NBAS: variants seen among roughly 807,000 people sequenced by gnomAD.
The protein encoded by NBAS is NBAS subunit of NRZ tethering complex.
Under a neutral mutation model 302.5 loss-of-function variants are expected in NBAS, and 219 were observed. The ratio of observed to expected loss-of-function variants is 0.72; its 90% confidence interval spans 0.65 to 0.81. The LOEUF is 0.81. Ranked by LOEUF, NBAS falls within the 30% of genes least tolerant of loss-of-function variation. The probability of loss-of-function intolerance (pLI) is 0.00; values close to 1 mark genes in which losing one functional copy is unlikely to be tolerated. For synonymous variants in NBAS, 1,118 were observed against 1,021.6 expected (o/e 1.09, Z -1.80); for missense variants, 2,932 against 2,841.6 (o/e 1.03, Z -0.72).
At chr2:15,428,388 G>C (rs1213233874) in intron 21 of NBAS, among the ~76,000 whole-genome samples, 1 of 152,192 alleles carries the variant, frequency 6.6e-6, no homozygotes. Context: ...GATAGTAAGA[G>C]TAAAGGAATG....
At chr2:15,485,510 TG>T (rs1350889758) in intron 12 of NBAS, among the ~76,000 whole-genome samples, 1 of 152,246 alleles carries the variant, frequency 6.6e-6, no homozygotes, top group Non-Finnish European at 1.5e-5. Flanking sequence ...AAAGAACATA[TG>T]CATCAGTGTC....
the NBAS span, among the ~76,000 whole-genome samples, chr2:14,886,228 C>A: frequency 6.6e-6 from 1 of 152,262 alleles, no homozygotes; most frequent in East Asian, 1.9e-4. Context: ...TCTGTCCTTG[C>A]CATCCCCAAG....
intron 19 of NBAS, among the ~76,000 whole-genome samples, chr2:15,466,881 G>A (rs1396147158): frequency 6.6e-6 from 1 of 151,112 alleles, no homozygotes; most frequent in East Asian, 1.9e-4. Flanking sequence ...AGGTTGCAGT[G>A]AGCTGAGATC....
At chr2:15,032,917 T>C in the NBAS span, among the ~76,000 whole-genome samples, 20 of 152,228 alleles carry the variant, frequency 1.3e-4, no homozygotes, top group Non-Finnish European at 2.6e-4. Context: ...TCAGAGATCA[T>C]CATGGCTATC....
the NBAS span, among the ~76,000 whole-genome samples, chr2:14,864,561 G>C: frequency 6.6e-6 from 1 of 152,106 alleles, no homozygotes; most frequent in Non-Finnish European, 1.5e-5. Context: ...ATGAAAAACA[G>C]ACCTTCATTT....
the NBAS span, among the ~76,000 whole-genome samples, chr2:14,822,432 T>C: frequency 1.3e-5 from 2 of 152,298 alleles, no homozygotes; most frequent in South Asian, 2.1e-4. Context: ...GCTGTCTTCA[T>C]GGACTCTTCT....
At chr2:14,843,392 A>T in the NBAS span, among the ~76,000 whole-genome samples, 1 of 152,204 alleles carries the variant, frequency 6.6e-6, no homozygotes, top group South Asian at 2.1e-4. Context: ...TTTGCAGACT[A>T]CATGATCTAA....
At chr2:14,862,233 G>T in the NBAS span, among the ~76,000 whole-genome samples, 7 of 151,936 alleles carry the variant, frequency 4.6e-5, no homozygotes, top group Admixed American at 1.3e-4. Flanking sequence ...CCACCTCCCG[G>T]GTTCAAGTGA....
chr2:15,340,451 G>A (rs1167713790), intron 35 of NBAS, among the ~76,000 whole-genome samples: 1 of 152,192 alleles, frequency 6.6e-6, no homozygotes, highest in African/African-American at 2.4e-5. Context: ...GATGTGGTAG[G>A]TGGGGAGAGG....
intron 38 of NBAS, among the ~76,000 whole-genome samples, chr2:15,310,227 C>A (rs986908886): frequency 2.0e-5 from 3 of 152,140 alleles, no homozygotes; most frequent in Non-Finnish European, 2.9e-5. Flanking sequence ...CTACAAATGG[C>A]TCAAGTGTCA....
intron 19 of NBAS, among the ~76,000 whole-genome samples, chr2:15,465,596 T>C (rs889049958): frequency 2.0e-5 from 3 of 152,216 alleles, no homozygotes; most frequent in African/African-American, 7.2e-5. Context: ...TAAAATGCAA[T>C]GCCTATCTCT....
chr2:15,144,686 G>T, the NBAS span, among the ~76,000 whole-genome samples: 63 of 152,178 alleles, frequency 4.1e-4, no homozygotes, highest in Non-Finnish European at 1.5e-4. Flanking sequence ...CTAAAAAAAA[G>T]GCAGCAGAAT....
At chr2:15,386,422 T>A (rs1312462948) in intron 28 of NBAS, among the ~76,000 whole-genome samples, 1 of 152,232 alleles carries the variant, frequency 6.6e-6, no homozygotes, top group Admixed American at 6.5e-5. Flanking sequence ...AAAATTTAGG[T>A]AAACAAAATA....
downstream of NBAS, among the ~76,000 whole-genome samples, chr2:15,163,866 G>C (rs1343916587): frequency 6.6e-6 from 1 of 150,600 alleles, no homozygotes; most frequent in Non-Finnish European, 1.5e-5. Flanking sequence ...GTGCAATCTC[G>C]GCTCACTGCA....
intron 11 of NBAS, among the ~76,000 whole-genome samples, chr2:15,501,801 C>A (rs1453571789): frequency 6.6e-6 from 1 of 151,144 alleles, no homozygotes; most frequent in Non-Finnish European, 1.5e-5. Flanking sequence ...CTCACTCTGT[C>A]CCCCAAGTTG....
At chr2:15,075,024 C>T in the NBAS span, among the ~76,000 whole-genome samples, 1 of 152,156 alleles carries the variant, frequency 6.6e-6, no homozygotes, top group South Asian at 2.1e-4. Flanking sequence ...CATTAAAATG[C>T]ACACACTCTT....
intron 27 of NBAS, among the ~76,000 whole-genome samples, chr2:15,395,086 T>C (rs2148412447): frequency 6.6e-6 from 1 of 152,208 alleles, no homozygotes; most frequent in East Asian, 1.9e-4. Context: ...GATACAAAGC[T>C]CTTAGTTTGA....
intron 27 of NBAS, among the ~76,000 whole-genome samples, chr2:15,394,893 A>T (rs928769163): frequency 1.3e-5 from 2 of 152,096 alleles, no homozygotes; most frequent in East Asian, 1.9e-4. Context: ...AATCATCAAC[A>T]TCATATAAAT....
At chr2:15,053,465 T>C in the NBAS span, among the ~76,000 whole-genome samples, 1 of 152,182 alleles carries the variant, frequency 6.6e-6, no homozygotes, top group South Asian at 2.1e-4. Flanking sequence ...GGACAGGAAG[T>C]TCTGTAAGTC....
Sources: allele counts gnomAD v4.1 joint callset (sites outside exome capture counted in the v4.1 genomes callset), GRCh38; gene constraint gnomAD v4.1.1; transcripts MANE v1.5; gene names NCBI Gene and HGNC (gene_info 2026-07-23, HGNC 2026-07-21).